Variants in ZNF716 observed in about 807,000 individuals in gnomAD.
The protein encoded by ZNF716 is zinc finger protein 716.
Under a neutral mutation model 13.4 loss-of-function variants are expected in ZNF716, and 9 were observed. That is an observed-to-expected ratio of 0.67 (90% CI 0.41 to 1.18). The LOEUF is 1.18. ZNF716 is among the 50% of genes most tolerant of loss of function. The pLI is 0.01. For missense variants in ZNF716, 581 were observed against 576.6 expected, an observed-to-expected ratio of 1.01 and a Z score of -0.08; for synonymous variants, 186 against 195.2, an observed-to-expected ratio of 0.95 and a Z score of 0.39.
At chr7:57,455,245 A>G (rs1311177934) in intron 1 of ZNF716, among the ~76,000 whole-genome samples, 58 of 152,296 alleles carry the variant, frequency 3.8e-4, no homozygotes, top group Non-Finnish European at 2.1e-4. Flanking sequence ...TTAAGGAGAG[A>G]CAGAAAATGG....
chr7:57,464,202 A>C (rs1554323681), intron 3 of ZNF716, among the ~76,000 whole-genome samples: 1 of 140,508 alleles, frequency 7.1e-6, no homozygotes, highest in Admixed American at 8.0e-5. Context: ...GCTCATGGCA[A>C]CCCCTGCCTC....
chr7:57,458,650 T>A (rs1466618709), intron 1 of ZNF716, among the ~76,000 whole-genome samples: 6 of 152,208 alleles, frequency 3.9e-5, no homozygotes, highest in Non-Finnish European at 8.8e-5. Context: ...CTGGAACTCC[T>A]GACCTTGTGA....
At chr7:57,467,927 A>G (rs1447636076) in intron 3 of ZNF716, among the ~76,000 whole-genome samples, 2 of 151,878 alleles carry the variant, frequency 1.3e-5, no homozygotes, top group Admixed American at 6.6e-5. Context: ...CTTTTTCAAA[A>G]TTTTTTATTT....
chr7:57,465,037 T>C (rs1324969082), intron 3 of ZNF716, among the ~76,000 whole-genome samples: 7 of 152,212 alleles, frequency 4.6e-5, no homozygotes, highest in Non-Finnish European at 7.3e-5. Flanking sequence ...TGTGTGTTTC[T>C]CTAGCTATAG....
rs1554321363 is a variant in ZNF716, at chr7:57,450,322, G to A, written c.34G>A (p.Glu12Lys). Residue 12 changes from glutamate (E) to lysine (K), a missense_variant, in exon 1 of 4, where the codon GAA (glutamate) becomes AAA (lysine). Coordinates refer to ENST00000420713, the MANE Select transcript of ZNF716 (RefSeq NM_001159279.1). The part of the protein sequence containing the change: ...AKRPGPPGSR[E>K]MGLLTFRDIA... ...AAGACCGGGACCCCCTGGAAGCCGA[G>A]AAATGGTGAGTGCTGGGTCTGTCAC... 1.2e-6 allele frequency: 2 copies of A among 1,613,926 alleles called. No homozygotes were observed. Among genetic ancestry groups the A allele is most frequent in the African/African-American group, 1.3e-5 (1 of 74,952 alleles).
At chr7:57,463,467 A>G (rs1309736111) in intron 3 of ZNF716, among the ~76,000 whole-genome samples, 1 of 152,034 alleles carries the variant, frequency 6.6e-6, no homozygotes, top group African/African-American at 2.4e-5. Context: ...GCTTTTGGGG[A>G]CACACAAATA....
intron 3 of ZNF716, among the ~76,000 whole-genome samples, chr7:57,464,265 G>A (rs1789765105): frequency 6.6e-6 from 1 of 151,720 alleles, no homozygotes; most frequent in African/African-American, 2.4e-5. Flanking sequence ...GGGTTTACAG[G>A]GATGTGCCAC....
chr7:57,459,048 C>T (rs1250129055), intron 1 of ZNF716, among the ~76,000 whole-genome samples: 1 of 152,044 alleles, frequency 6.6e-6, no homozygotes, highest in Non-Finnish European at 1.5e-5. Context: ...ACAAAATAGC[C>T]ATTTGGAAGC....
At chr7:57,452,440 A>G (rs915107313) in intron 1 of ZNF716, among the ~76,000 whole-genome samples, 7 of 151,624 alleles carry the variant, frequency 4.6e-5, no homozygotes, top group Non-Finnish European at 8.8e-5. Context: ...TTGGAAACCA[A>G]CCTGGCCAAC....
chr7:57,457,714 CA>C (rs1415747054), intron 1 of ZNF716, among the ~76,000 whole-genome samples: 2 of 152,060 alleles, frequency 1.3e-5, no homozygotes, highest in Non-Finnish European at 2.9e-5. Flanking sequence ...TAGGTAAAAT[CA>C]TATCATAAAG....
chr7:57,462,963 CTT>C, intron 2 of ZNF716, 108 bp from the exon 3 acceptor site: 1 of 1,418,010 alleles, frequency 7.1e-7, no homozygotes, highest in Non-Finnish European at 9.4e-7. Context: ...ACGAATCAAT[CTT>C]AATTTTCTAG....
At position 57,471,906 on chromosome 7, in the gene ZNF716, A is replaced by T. The variant is rs1789945090; in HGVS notation, c.*1957A>T. 1 of 152,184 alleles carries T rather than the reference A, an allele frequency of 6.6e-6. No homozygotes were observed. Among genetic ancestry groups the T allele is most frequent in the African/African-American group, 2.4e-5 (1 of 41,458 alleles). 9.4% of individuals were successfully genotyped at this position (152,184 alleles called of 1,614,324 possible). The stretch of plus-strand genomic sequence containing the variant: ...TTTAAAGAAGTAGATTTATTTGGAG[A>T]TTTATAATTACATTCGAGGTATGCT... On this transcript the variant is annotated 3_prime_UTR_variant, in exon 4 of 4. Coordinates refer to ENST00000420713, the MANE Select transcript of ZNF716 (RefSeq NM_001159279.1).
rs1554325405 is a variant in ZNF716 at position 57,472,309 on chromosome 7, G to A, written c.*2360G>A. 1 of 152,186 alleles carries A rather than the reference G, an allele frequency of 6.6e-6. No individual in the cohort carries two copies. The highest frequency in any genetic ancestry group is 2.4e-5 in the African/African-American group (1 of 41,446). The allele number at this position is 152,186 out of a possible 1,614,324, so 9.4% of individuals were successfully genotyped here. ...ATTGTACCTTTATGTAAACAAAGTT[G>A]TTTTTAATGAGCTAAAACTATTGTG... is the stretch of plus-strand genomic sequence containing the variant. On this transcript the variant is annotated 3_prime_UTR_variant, in exon 4 of 4. Transcript: ENST00000420713.
chr7:57,459,274 T>C (rs1554322610), intron 1 of ZNF716, among the ~76,000 whole-genome samples: 1 of 149,150 alleles, frequency 6.7e-6, no homozygotes, highest in Non-Finnish European at 1.5e-5. Flanking sequence ...CACAGTGTTC[T>C]GTGACATGCT....
chr7:57,460,966 T>TA (rs1300785529), intron 1 of ZNF716, among the ~76,000 whole-genome samples: 3 of 57,564 alleles, frequency 5.2e-5, no homozygotes, highest in African/African-American at 1.7e-4. Flanking sequence ...AGAAAACTGA[T>TA]TTTTTTTTAT....
rs1789938989 is a variant in ZNF716 at position 57,471,611 on chromosome 7, T to G, written c.*1662T>G. 1 of 152,204 alleles carries G rather than the reference T, an allele frequency of 6.6e-6. No homozygotes were observed. The highest frequency in any genetic ancestry group is 1.5e-5 in the Non-Finnish European group (1 of 68,030). 9.4% of individuals were successfully genotyped at this position (152,204 alleles called of 1,614,324 possible). A position where few individuals can be genotyped will look rare whatever the true frequency, so the allele number is the denominator to read the frequency against. On this transcript the variant is annotated 3_prime_UTR_variant, in exon 4 of 4. Transcript: ENST00000420713. ...AAACCCTGAAACAGATGCTCAAACT[T>G]TGTTGAACATCGGAGAATTTATATT...
rs200940020 is a variant in ZNF716 at position 57,469,003 on chromosome 7, G to A, written c.542G>A (p.Gly181Glu). The A allele has an allele frequency of 8.5e-5, 137 of 1,607,670 alleles. No homozygotes were observed. The highest frequency in any genetic ancestry group is 5.8e-5 in the Non-Finnish European group (68 of 1,176,542). Residue 181 changes from glycine (G) to glutamate (E), a missense_variant, in exon 4 of 4, where the codon GGA (glycine) becomes GAA (glutamate). By Grantham distance (98) the Gly-to-Glu change is moderately conservative. Transcript: ENST00000420713. The stretch of plus-strand genomic sequence containing the variant: ...AATAGACACAAGACAAGACATACTG[G>A]AAAGAAACATTTCAAATGTAAAAAC... ...NSNRHKTRHT[G>E]KKHFKCKNDG...
intron 1 of ZNF716, among the ~76,000 whole-genome samples, chr7:57,458,579 G>A (rs1207007190): frequency 6.6e-6 from 1 of 151,904 alleles, no homozygotes; most frequent in African/African-American, 2.4e-5. Flanking sequence ...CCCACCACCA[G>A]ACCCGGTTAA....
At chr7:57,462,050 C>T (rs1789714969) in intron 1 of ZNF716, among the ~76,000 whole-genome samples, 1 of 151,836 alleles carries the variant, frequency 6.6e-6, no homozygotes, top group East Asian at 1.9e-4. Context: ...GTCCCAGCTA[C>T]TCAGGAGGCT....
Sources: allele counts gnomAD v4.1 joint callset (sites outside exome capture counted in the v4.1 genomes callset), GRCh38; gene constraint gnomAD v4.1.1; transcripts MANE v1.5; gene names NCBI Gene and HGNC (gene_info 2026-07-23, HGNC 2026-07-21).